The following APOB variants were observed in gnomAD, a reference collection of about 807,000 sequenced individuals.
APOB encodes apolipoprotein B-100.
APOB carries 153 observed loss-of-function variants against 314.1 expected under a neutral mutation model. The ratio of observed to expected loss-of-function variants is 0.49; its 90% confidence interval spans 0.43 to 0.56. The LOEUF is 0.56. Among genes scored for constraint, APOB ranks in the 20% least tolerant of loss-of-function variants. The probability of loss-of-function intolerance (pLI) is 0.00; values close to 1 mark genes in which losing one functional copy is unlikely to be tolerated. For synonymous variants in APOB, 2,087 were observed against 2,036.4 expected (o/e 1.02, Z -0.67); for missense variants, 5,430 against 5,350.7 (o/e 1.01, Z -0.46).
chr2:21,025,412 A>G (rs930446135), intron 15 of APOB, among the ~76,000 whole-genome samples: 2 of 152,176 alleles, frequency 1.3e-5, no homozygotes, highest in Non-Finnish European at 1.5e-5. Flanking sequence ...GTATGCCAGG[A>G]TCCTCAAGAT....
rs775673195 is a variant in APOB at position 21,007,399 on chromosome 2, C to G, written c.9469G>C (p.Gly3157Arg). The G allele has an allele frequency of 3.1e-6, 5 of 1,613,824 alleles. No individual in the cohort carries two copies. In the Admixed American group the frequency reaches 8.3e-5, roughly 27 times the overall value. ...GTCGTTTTCAAGAATTCCTTCAAGC[C>G]TGTTTTTTCCCATAGAGAGAAATCT... is the stretch of plus-strand genomic sequence containing the variant. ...LKDFSLWEKT[G>R]LKEFLKTTKQ... The change falls in exon 26 of 29, where the codon GGC (glycine) becomes CGC (arginine). Residue 3157 changes from glycine (G) to arginine (R), a missense_variant. Gly to Arg is a moderately radical substitution (Grantham distance 125). Around this residue, in one of 3 missense-constraint regions of APOB, gnomAD observed 3,281 missense variants for 3,171.0 expected, o/e 1.03. Coordinates refer to ENST00000233242, the MANE Select transcript of APOB (RefSeq NM_000384.3).
At position 21,003,042 on chromosome 2, in the gene APOB, T is replaced by C. The variant is rs1663034522; in HGVS notation, c.12380A>G (p.Asp4127Gly). 1.9e-6 allele frequency: 3 copies of C among 1,568,120 alleles called. No homozygotes were observed. The highest frequency in any genetic ancestry group is 2.6e-6 in the Non-Finnish European group (3 of 1,157,680). ...ACTGGCTGCTTTCTGGAACCTCACG[T>C]CGATATCATCAATTTGCCTAATGGC... ...QGAIRQIDDI[D>G]VRFQKAASGT... The change falls in exon 29 of 29, where the codon GAC becomes GGC. Residue 4127 changes from aspartate (D) to glycine (G), a missense_variant. Physicochemically the swap from Asp to Gly is moderately conservative, Grantham distance 94. Transcript: ENST00000233242.
intron 19 of APOB, 151 bp from the exon 20 acceptor site, chr2:21,019,264 C>T (rs1663542459): frequency 9.3e-7 from 1 of 1,079,614 alleles, no homozygotes; most frequent in South Asian, 1.3e-5. Context: ...TCTTTTTGAT[C>T]CCTCAGTCCT....
Position 21,012,202 on chromosome 2 carries a change from T to A in APOB, c.4666A>T (p.Lys1556Ter). 6.2e-7 allele frequency: 1 copy of A among 1,603,210 alleles called. No individual in the cohort carries two copies. The highest frequency in any genetic ancestry group is 8.5e-7 in the Non-Finnish European group (1 of 1,173,640). The change falls in exon 26 of 29, where the codon AAA (lysine) becomes TAA (stop). Residue 1556 changes from lysine to a stop codon, truncating the protein, a stop_gained. Coordinates refer to ENST00000233242, the MANE Select transcript of APOB (RefSeq NM_000384.3). LOFTEE classifies it high-confidence loss of function. The part of the protein sequence containing the change: ...STSDLQSGII[K>*]NTASLKYENY... ...TCATACTTTAGGGAAGCAGTATTTT[T>A]AATGATGCCACTTTGCAGATCAGAG...
intron 23 of APOB, 55 bp from the exon 24 acceptor site, chr2:21,014,648 CA>C: frequency 1.3e-6 from 2 of 1,594,026 alleles, no homozygotes; most frequent in Non-Finnish European, 1.7e-6. Flanking sequence ...CCTCAAAGAG[CA>C]ATGAACATTA....
rs12720839 is a variant in APOB at position 21,024,415 on chromosome 2, C to T, written c.2436+518G>A. On this transcript the variant is annotated intron_variant, in intron 16 of 28. Coordinates refer to ENST00000233242, the MANE Select transcript of APOB (RefSeq NM_000384.3). ...GGAGGATCACTTGAGGTCAGGAGTT[C>T]GAAACCAGCCTGACATGGTTGTCAA... 437 of 166,980 alleles carry T rather than the reference C, an allele frequency of 2.6e-3. 5 individuals carry two copies. The highest frequency in any genetic ancestry group is 0.01 in the African/African-American group (422 of 41,706). The allele number at this position is 166,980 out of a possible 1,614,324, so 10.3% of individuals were successfully genotyped here.
chr2:21,028,600 C>A (rs898830849), intron 12 of APOB, 62 bp from the exon 13 acceptor site: 22 of 1,109,334 alleles, frequency 2.0e-5, no homozygotes, highest in African/African-American at 3.1e-5. Context: ...ACATGCCTGG[C>A]AAACACTGGC....
rs1274309821 is a variant in APOB at position 21,007,815 on chromosome 2, G to A, written c.9053C>T (p.Thr3018Ile). 1 of 1,614,038 alleles carries A rather than the reference G, an allele frequency of 6.2e-7. No homozygotes were observed. The highest frequency in any genetic ancestry group is 1.7e-5 in the Admixed American group (1 of 60,004). Residue 3018 changes from threonine to isoleucine, a missense_variant, in exon 26 of 29, where the codon ACT becomes ATT. Thr to Ile is a moderately conservative substitution (Grantham distance 89, BLOSUM62 -1). This residue lies in a region of APOB where 3,281 missense variants were observed against 3,171.0 expected (regional missense o/e 1.03). Coordinates refer to ENST00000233242, the MANE Select transcript of APOB (RefSeq NM_000384.3). ...ALFGEGKAEF[T>I]GRHDAHLNGK... is the part of the protein sequence containing the mutation. Reference sequence around the variant, plus strand: ...ATTTAAATGAGCATCATGCCTCCCAGTAAACTCTGCCTTCCCTTCTCCAAA... The same window carrying A: ...ATTTAAATGAGCATCATGCCTCCCAATAAACTCTGCCTTCCCTTCTCCAAA...
chr2:21,041,253 G>C (rs528960865), intron 3 of APOB, among the ~76,000 whole-genome samples, 170 bp from the exon 4 acceptor site: 1 of 152,292 alleles, frequency 6.6e-6, no homozygotes, highest in Non-Finnish European at 1.5e-5. Context: ...TGGGTTCTCT[G>C]TGCACCAACC....
In APOB at chr2:21,011,474, G is replaced by A. The variant is rs528261105; in HGVS notation, c.5394C>T (p.Asn1798=). The stretch of plus-strand genomic sequence containing the variant: ...CCAGAGCATTGTATTTCAGGTCACT[G>A]TTTAAAGTAGTTACCAGAGAATAGG... The part of the protein sequence containing the change: ...LQPYSLVTTL[N]SDLKYNALDL... The change falls in exon 26 of 29, where the codon AAC becomes AAT. Residue 1798 remains asparagine (N), a synonymous_variant. Transcript: ENST00000233242. 3 of 1,614,172 alleles carry A rather than the reference G, an allele frequency of 1.9e-6. No individual in the cohort carries two copies. The highest frequency in any genetic ancestry group is 2.7e-5 in the African/African-American group (2 of 75,062).
chr2:21,031,641 G>C (rs1184848621), intron 10 of APOB, among the ~76,000 whole-genome samples: 1 of 152,026 alleles, frequency 6.6e-6, no homozygotes, highest in African/African-American at 2.4e-5. Flanking sequence ...TTCATCAAAG[G>C]AAAAACCTGC....
chr2:21,003,675 A>T (rs1325282552), intron 28 of APOB, among the ~76,000 whole-genome samples: 2 of 152,172 alleles, frequency 1.3e-5, no homozygotes, highest in Non-Finnish European at 2.9e-5. Context: ...AGAGTCAGGA[A>T]ATGACAGATA....
At position 21,009,911 on chromosome 2, in the gene APOB, G is replaced by A. The variant is rs779664416; in HGVS notation, c.6957C>T (p.His2319=). Residue 2319 remains histidine (H), a synonymous_variant, in exon 26 of 29, where the codon CAC becomes CAT. Coordinates refer to ENST00000233242, the MANE Select transcript of APOB (RefSeq NM_000384.3). ...AATCCCCAATAAGATTTATAACAAAGTGTTTGACATGCTCAAGAATGTCAT... is the reference window on the plus strand; with the variant it reads ...AATCCCCAATAAGATTTATAACAAAATGTTTGACATGCTCAAGAATGTCAT... ...RINDILEHVK[H]FVINLIGDFE... is the part of the protein sequence containing the mutation. 6.2e-7 allele frequency: 1 copy of A among 1,613,924 alleles called. No homozygotes were observed. The highest frequency in any genetic ancestry group is 1.1e-5 in the South Asian group (1 of 91,076).
chr2:21,043,697 G>A, intron 1 of APOB, 146 bp from the exon 2 acceptor site: 4 of 1,495,122 alleles, frequency 2.7e-6, no homozygotes, highest in Non-Finnish European at 3.6e-6. Flanking sequence ...TCCATCCCGC[G>A]CCCCCCATCC....
At chr2:21,040,441 G>A (rs948861438) in intron 4 of APOB, among the ~76,000 whole-genome samples, 2 of 152,178 alleles carry the variant, frequency 1.3e-5, no homozygotes, top group Non-Finnish European at 2.9e-5. Flanking sequence ...TGCGACATGG[G>A]CCCTGACCAG....
rs1663288777 is a variant in APOB at position 21,010,696 on chromosome 2, C to T, written c.6172G>A (p.Val2058Ile). The stretch of plus-strand genomic sequence containing the variant: ...ACATCTTGGTTTTTATCATACTTTA[C>T]AAAAGCAACAATTGTAAATTCTTGG... Reference protein sequence around the residue: ...KPQEFTIVAFVKYDKNQDVHS... With the variant: ...KPQEFTIVAFIKYDKNQDVHS... The change falls in exon 26 of 29, where the codon GTA (valine) becomes ATA (isoleucine). Residue 2058 changes from valine (V) to isoleucine (I), a missense_variant. Val to Ile is a conservative substitution (Grantham distance 29, BLOSUM62 3). Transcript: ENST00000233242. 6.2e-7 allele frequency: 1 copy of T among 1,613,968 alleles called. No individual in the cohort carries two copies. The highest frequency in any genetic ancestry group is 8.5e-7 in the Non-Finnish European group (1 of 1,179,956).
Position 21,002,051 on chromosome 2 carries a change from A to T in APOB, c.13371T>A (p.Asp4457Glu). 1.9e-6 allele frequency: 3 copies of T among 1,613,956 alleles called. No individual in the cohort carries two copies. The highest frequency in any genetic ancestry group is 2.5e-6 in the Non-Finnish European group (3 of 1,179,976). ...TCTTCTCTTTCCCTTTTCCATCTGG[A>T]TCGGTAAGGATGCTAAGATATTCCT... ...NIQEYLSILTDPDGKGKEKIA... is the reference protein window; with the variant it reads ...NIQEYLSILTEPDGKGKEKIA... The change falls in exon 29 of 29, where the codon GAT (aspartate) becomes GAA (glutamate). Residue 4457 changes from aspartate (D) to glutamate (E), a missense_variant. Asp to Glu is a conservative substitution (Grantham distance 45). Coordinates refer to ENST00000233242, the MANE Select transcript of APOB (RefSeq NM_000384.3).
At chr2:21,043,760 T>C in intron 1 of APOB, 104 bp downstream of exon 1, 2 of 1,511,150 alleles carry the variant, frequency 1.3e-6, no homozygotes, top group Admixed American at 2.0e-5. Context: ...CCCTGGACCC[T>C]GTGGCTGCCC....
intron 6 of APOB, 118 bp from the exon 7 acceptor site, chr2:21,035,826 G>A: frequency 9.6e-7 from 1 of 1,042,402 alleles, no homozygotes; most frequent in Non-Finnish European, 1.4e-6. Flanking sequence ...CTCAGAGAAA[G>A]AAGATAACTG....
Sources: gnomAD v4.1 joint callset for allele counts (sites outside exome capture counted in the v4.1 genomes callset) on GRCh38, gnomAD v4.1.1 for gene constraint, gnomAD v4.1.1 regional missense constraint, MANE v1.5 for transcripts, NCBI Gene and HGNC (gene_info 2026-07-23, HGNC 2026-07-21) for gene names.